Variants in GALNT13 observed in about 807,000 individuals in gnomAD.
The protein encoded by GALNT13 is polypeptide N-acetylgalactosaminyltransferase 13.
A neutral mutation model predicts 64.2 loss-of-function variants in GALNT13; 28 were observed. That is an observed-to-expected ratio of 0.44 (90% confidence interval 0.32 to 0.60). The LOEUF is 0.60. Ranked by LOEUF, GALNT13 falls within the 20% of genes least tolerant of loss-of-function variation. The pLI is 0.05. For missense variants in GALNT13, 577 were observed against 669.8 expected (o/e 0.86, Z 1.53); for synonymous variants, 214 against 224.6 (o/e 0.95, Z 0.42).
chr2:153,362,363 A>G, the GALNT13 span, among the ~76,000 whole-genome samples: 29 of 152,250 alleles, frequency 1.9e-4, 1 homozygote, highest in South Asian at 6.0e-3. Flanking sequence ...GACAGGATCA[A>G]ATTCACACCT....
chr2:154,364,858 A>C (rs1394267546), intron 9 of GALNT13, among the ~76,000 whole-genome samples: 2 of 152,114 alleles, frequency 1.3e-5, no homozygotes, highest in Non-Finnish European at 2.9e-5. Flanking sequence ...TTTAGTAGAG[A>C]CGGGGTTTTG....
chr2:153,651,109 G>T, the GALNT13 span, among the ~76,000 whole-genome samples: 1 of 152,214 alleles, frequency 6.6e-6, no homozygotes, highest in Non-Finnish European at 1.5e-5. Context: ...ATAGTGCATT[G>T]TACACCTAAA....
At chr2:153,960,402 G>A (rs1415363001) in intron 3 of GALNT13, among the ~76,000 whole-genome samples, 1 of 152,238 alleles carries the variant, frequency 6.6e-6, no homozygotes, top group Admixed American at 6.5e-5. Context: ...GCCAGAGGTA[G>A]AAGGAAACAG....
At chr2:153,785,856 G>A in the GALNT13 span, among the ~76,000 whole-genome samples, 5 of 152,082 alleles carry the variant, frequency 3.3e-5, no homozygotes, top group African/African-American at 7.2e-5. Flanking sequence ...TCCAGGCTCC[G>A]GAGAGTCCTT....
the GALNT13 span, among the ~76,000 whole-genome samples, chr2:153,142,767 A>C: frequency 1.3e-5 from 2 of 151,956 alleles, no homozygotes; most frequent in East Asian, 3.9e-4. Flanking sequence ...TAGCCTGACA[A>C]GGGCCAATTC....
chr2:154,287,670 G>A (rs541759677), intron 8 of GALNT13, among the ~76,000 whole-genome samples: 8 of 151,740 alleles, frequency 5.3e-5, no homozygotes, highest in African/African-American at 1.7e-4. Flanking sequence ...CCGTTTTAAC[G>A]TTCAGTTTGC....
At chr2:153,764,417 T>C in the GALNT13 span, among the ~76,000 whole-genome samples, 1 of 152,052 alleles carries the variant, frequency 6.6e-6, no homozygotes, top group African/African-American at 2.4e-5. Context: ...ATGCCTGTAA[T>C]CCAAACTACT....
the GALNT13 span, among the ~76,000 whole-genome samples, chr2:153,831,872 G>C: frequency 6.6e-6 from 1 of 152,030 alleles, no homozygotes; most frequent in Non-Finnish European, 1.5e-5. Context: ...GAAATTTATA[G>C]TTCTTGTTCT....
intron 4 of GALNT13, among the ~76,000 whole-genome samples, chr2:154,193,957 G>A (rs1048338352): frequency 3.3e-5 from 5 of 152,102 alleles, no homozygotes; most frequent in African/African-American, 1.2e-4. Context: ...AATAGGACCT[G>A]GCAAATGGTA....
chr2:153,312,491 G>A, the GALNT13 span, among the ~76,000 whole-genome samples: 1 of 152,114 alleles, frequency 6.6e-6, no homozygotes, highest in African/African-American at 2.4e-5. Flanking sequence ...CATTTCAGAG[G>A]CTGATGTTCA....
At chr2:153,918,135 G>A (rs1689518366) in intron 2 of GALNT13, among the ~76,000 whole-genome samples, 1 of 152,040 alleles carries the variant, frequency 6.6e-6, no homozygotes. Context: ...ATTAATTCAG[G>A]ATTATGTTTG....
chr2:153,583,347 TAGA>T, the GALNT13 span, among the ~76,000 whole-genome samples: 2 of 152,226 alleles, frequency 1.3e-5, no homozygotes, highest in African/African-American at 4.8e-5. Flanking sequence ...GATGGTTGAC[TAGA>T]AGAATTTCCA....
At chr2:153,672,938 A>G in the GALNT13 span, among the ~76,000 whole-genome samples, 1 of 152,224 alleles carries the variant, frequency 6.6e-6, no homozygotes, top group Admixed American at 6.5e-5. Flanking sequence ...GGCTCTATGC[A>G]AATAAACTAG....
chr2:153,582,886 T>G, the GALNT13 span, among the ~76,000 whole-genome samples: 1,081 of 152,308 alleles, frequency 7.1e-3, 4 homozygotes, highest in Middle Eastern at 0.017. Flanking sequence ...CAAAGTGCCC[T>G]TATTAAATAT....
At chr2:154,152,718 C>T (rs894137418) in intron 4 of GALNT13, among the ~76,000 whole-genome samples, 4 of 152,200 alleles carry the variant, frequency 2.6e-5, no homozygotes, top group South Asian at 4.1e-4. Context: ...TCCAGTTGAT[C>T]GCATCGGCTC....
At chr2:154,317,094 T>TATGCA (rs1162548070) in intron 9 of GALNT13, among the ~76,000 whole-genome samples, 1 of 151,778 alleles carries the variant, frequency 6.6e-6, no homozygotes, top group Non-Finnish European at 1.5e-5. Context: ...GCACCTGTAG[T>TATGCA]CCCAGCTACT....
chr2:154,368,251 TTC>T (rs1469882213), intron 9 of GALNT13, among the ~76,000 whole-genome samples: 2 of 152,160 alleles, frequency 1.3e-5, no homozygotes, highest in Non-Finnish European at 2.9e-5. Flanking sequence ...CTACATATAT[TTC>T]TCTTTTATTC....
At chr2:154,336,217 G>A (rs1695438433) in intron 9 of GALNT13, among the ~76,000 whole-genome samples, 3 of 152,018 alleles carry the variant, frequency 2.0e-5, no homozygotes, top group Admixed American at 1.3e-4. Context: ...CAATCCAAAT[G>A]GTTAATGGTA....
At chr2:154,181,556 A>C (rs985040000) in intron 4 of GALNT13, among the ~76,000 whole-genome samples, 2 of 152,106 alleles carry the variant, frequency 1.3e-5, no homozygotes, top group Admixed American at 1.3e-4. Flanking sequence ...GCTTTTTGAA[A>C]AACAAGTTTG....
Sources: gnomAD v4.1 joint callset for allele counts (sites outside exome capture counted in the v4.1 genomes callset) on GRCh38, gnomAD v4.1.1 for gene constraint, MANE v1.5 for transcripts, NCBI Gene and HGNC (gene_info 2026-07-23, HGNC 2026-07-21) for gene names.